KIDINS220: variants seen among roughly 807,000 people sequenced by gnomAD.
KIDINS220 encodes kinase D interacting substrate 220.
KIDINS220 carries 63 observed loss-of-function variants against 157.6 expected under a neutral mutation model. The observed-to-expected ratio is 0.40, with a 90% CI of 0.33 to 0.49. The LOEUF (loss-of-function observed/expected upper bound fraction) is 0.49. Among genes scored for constraint, KIDINS220 ranks in the 20% least tolerant of loss-of-function variants. KIDINS220 has a pLI of 0.66. For synonymous variants in KIDINS220, 732 were observed against 783.6 expected (o/e 0.93, Z 1.10); for missense variants, 1,772 against 2,171.2 (o/e 0.82, Z 3.65).
intron 1 of KIDINS220, among the ~76,000 whole-genome samples, chr2:8,834,409 A>T (rs1680097451): frequency 6.6e-6 from 1 of 151,242 alleles, no homozygotes. Context: ...ACCTGATCAG[A>T]GCTTCTCTGA....
At chr2:8,822,252 T>A (rs1678082523) in intron 2 of KIDINS220, among the ~76,000 whole-genome samples, 1 of 152,186 alleles carries the variant, frequency 6.6e-6, no homozygotes, top group African/African-American at 2.4e-5. Context: ...GCAGTCCTTC[T>A]GGAGGGTTTC....
intron 22 of KIDINS220, among the ~76,000 whole-genome samples, chr2:8,767,215 G>A (rs192825649): frequency 3.9e-5 from 6 of 151,970 alleles, no homozygotes; most frequent in South Asian, 2.1e-4. Context: ...GAACCTCTGC[G>A]GTCAAAGCAA....
chr2:8,752,710 T>C (rs566017804), intron 22 of KIDINS220, among the ~76,000 whole-genome samples: 3 of 151,988 alleles, frequency 2.0e-5, no homozygotes, highest in African/African-American at 7.2e-5. Context: ...TTACACAGAT[T>C]AAAAAAAAGC....
intron 22 of KIDINS220, among the ~76,000 whole-genome samples, chr2:8,769,455 A>T (rs1669896030): frequency 6.6e-6 from 1 of 152,210 alleles, no homozygotes; most frequent in South Asian, 2.1e-4. Context: ...TTTTTATGAC[A>T]CATTTTTATT....
chr2:8,800,889 C>G (rs1674599510), intron 8 of KIDINS220, among the ~76,000 whole-genome samples: 1 of 152,114 alleles, frequency 6.6e-6, no homozygotes, highest in African/African-American at 2.4e-5. Flanking sequence ...TGGAATAATG[C>G]TATATGACGA....
chr2:8,744,413 T>A lies in KIDINS220; in HGVS notation c.3585+2732A>T, dbSNP rs866198262. Among the ~76,000 whole-genome samples, 12 of 52,780 alleles carry A rather than the reference T, an allele frequency of 2.3e-4. 1 individual carries two copies. Among genetic ancestry groups the A allele is most frequent in the Admixed American group, 4.6e-4 (2 of 4,392 alleles). 34.6% of individuals were successfully genotyped at this position (52,780 alleles called of 152,430 possible). A position where few individuals can be genotyped will look rare whatever the true frequency, so the allele number is the denominator to read the frequency against. Reference sequence around the variant, plus strand: ...AATATATATATATAATATATATATATATATATATATATATATATATATATA... The same window carrying A: ...AATATATATATATAATATATATATAAATATATATATATATATATATATATA... On this transcript the variant is annotated intron_variant, in intron 26 of 29. Coordinates refer to ENST00000256707, the MANE Select transcript of KIDINS220 (RefSeq NM_020738.4).
intron 12 of KIDINS220, among the ~76,000 whole-genome samples, chr2:8,792,863 G>A (rs549431808): frequency 1.3e-5 from 2 of 152,208 alleles, no homozygotes; most frequent in East Asian, 3.9e-4. Context: ...ATGGATATAC[G>A]TACAAAGGTG....
chr2:8,816,863 A>G (rs1677152888), intron 4 of KIDINS220, among the ~76,000 whole-genome samples: 1 of 152,230 alleles, frequency 6.6e-6, no homozygotes, highest in African/African-American at 2.4e-5. Context: ...TTGAGAACAA[A>G]TATAAGATTA....
chr2:8,806,183 C>T, intron 7 of KIDINS220, 88 bp downstream of exon 7: 1 of 916,546 alleles, frequency 1.1e-6, no homozygotes, highest in Middle Eastern at 2.3e-4. Flanking sequence ...AGGGAAATTT[C>T]TCTAGGCATA....
At position 8,813,264 on chromosome 2, in the gene KIDINS220, A is replaced by G. The variant is rs912204317; in HGVS notation, c.378T>C (p.His126=). ...RTDVVELLLS[H]GANPSVTGLY... is the part of the protein sequence containing the mutation. ...GACCAGTGACACTTGGATTGGCACC[A>G]TGAGAAAGAAGCAACTCTACTACGT... is the stretch of plus-strand genomic sequence containing the variant. Residue 126 remains histidine (H), a synonymous_variant, in exon 5 of 30, where the codon CAT becomes CAC. Coordinates refer to ENST00000256707, the MANE Select transcript of KIDINS220 (RefSeq NM_020738.4). The G allele has an allele frequency of 6.2e-7, 1 of 1,613,354 alleles. No individual in the cohort carries two copies. Among genetic ancestry groups the G allele is most frequent in the Admixed American group, 1.7e-5 (1 of 59,870 alleles).
chr2:8,836,030 A>T (rs370206017), intron 1 of KIDINS220, among the ~76,000 whole-genome samples: 2 of 152,322 alleles, frequency 1.3e-5, no homozygotes, highest in East Asian at 3.9e-4. Context: ...GAAATGAGGG[A>T]TATTAACTTG....
At chr2:8,735,900 G>C (rs1335297557) in intron 27 of KIDINS220, among the ~76,000 whole-genome samples, 3 of 152,166 alleles carry the variant, frequency 2.0e-5, no homozygotes, top group Non-Finnish European at 4.4e-5. Context: ...TACCCCGATG[G>C]GAACAAAATC....
intron 11 of KIDINS220, among the ~76,000 whole-genome samples, chr2:8,795,225 A>T (rs1673742502): frequency 6.6e-6 from 1 of 152,258 alleles, no homozygotes; most frequent in African/African-American, 2.4e-5. Flanking sequence ...TAGATTTCCC[A>T]ATGTCTACTG....
chr2:8,752,510 C>T (rs1667506891), intron 22 of KIDINS220, among the ~76,000 whole-genome samples: 1 of 152,084 alleles, frequency 6.6e-6, no homozygotes, highest in African/African-American at 2.4e-5. Context: ...CTAAGGGTCA[C>T]CCCTCAATGA....
chr2:8,751,978 T>C (rs1667428371), intron 22 of KIDINS220, among the ~76,000 whole-genome samples: 1 of 152,162 alleles, frequency 6.6e-6, no homozygotes, highest in African/African-American at 2.4e-5. Context: ...GTGCTGGGAT[T>C]ACAGGTGTGA....
chr2:8,750,161 C>T lies in KIDINS220; in HGVS notation c.3365G>A (p.Ser1122Asn), dbSNP rs751544830. 2.5e-6 allele frequency: 4 copies of T among 1,614,168 alleles called. No homozygotes were observed. The Admixed American group carries it at 5.0e-5, about 20-fold the overall frequency. ...GCCCGTCATGCCGCTGTAATAGCTG[C>T]TGTGAGGCTGTGGTGACACCACTCC... is the stretch of plus-strand genomic sequence containing the variant. ...AGGVVSPQPH[S>N]SYYSGMTGPQ... The change falls in exon 24 of 30, where the codon AGC (serine) becomes AAC (asparagine). Residue 1122 changes from serine to asparagine, a missense_variant. Transcript: ENST00000256707.
chr2:8,825,125 A>G (rs1678556221), intron 2 of KIDINS220, among the ~76,000 whole-genome samples: 1 of 152,142 alleles, frequency 6.6e-6, no homozygotes, highest in African/African-American at 2.4e-5. Flanking sequence ...CAATCACAGT[A>G]CTTTAGGAGG....
intron 11 of KIDINS220, among the ~76,000 whole-genome samples, chr2:8,794,479 C>A (rs1392890822): frequency 2.0e-5 from 3 of 152,218 alleles, no homozygotes; most frequent in Non-Finnish European, 4.4e-5. Flanking sequence ...CTTTGTCAAC[C>A]ATTTGCCACA....
downstream of KIDINS220, among the ~76,000 whole-genome samples, chr2:8,727,596 G>T (rs1663454774): frequency 6.6e-6 from 1 of 152,056 alleles, no homozygotes; most frequent in Admixed American, 6.5e-5. Flanking sequence ...CTAATGGTTA[G>T]TATTTGTAAG....
Sources: allele counts gnomAD v4.1 joint callset (sites outside exome capture counted in the v4.1 genomes callset), GRCh38; gene constraint gnomAD v4.1.1; transcripts MANE v1.5; gene names NCBI Gene and HGNC (gene_info 2026-07-23, HGNC 2026-07-21).